Variants in PLD5 observed in about 807,000 individuals in gnomAD.
PLD5 encodes the protein phospholipase D family member 5.
A neutral mutation model predicts 61.1 loss-of-function variants in PLD5; 36 were observed. The ratio of observed to expected loss-of-function variants is 0.59; its 90% CI spans 0.45 to 0.78. The LOEUF is 0.78. Among genes scored for constraint, PLD5 ranks in the 30% least tolerant of loss-of-function variants. PLD5 has a pLI of 0.00. For missense variants in PLD5, 515 were observed against 644.4 expected (o/e 0.80, Z 2.17); for synonymous variants, 243 against 242.8 (o/e 1.00, Z -0.01).
At chr1:242,091,203 GTC>G (rs1659797403) in intron 9 of PLD5, among the ~76,000 whole-genome samples, 1 of 152,148 alleles carries the variant, frequency 6.6e-6, no homozygotes, top group Non-Finnish European at 1.5e-5. Flanking sequence ...TAAAGATCCT[GTC>G]TCTCAATAGA....
At chr1:242,230,419 G>T (rs1298453351) in intron 4 of PLD5, among the ~76,000 whole-genome samples, 1 of 152,114 alleles carries the variant, frequency 6.6e-6, no homozygotes, top group Non-Finnish European at 1.5e-5. Context: ...CCTATTTCCT[G>T]AAAGCAAGGT....
At chr1:242,519,556 G>A (rs1158940842) in intron 1 of PLD5, among the ~76,000 whole-genome samples, 1 of 152,220 alleles carries the variant, frequency 6.6e-6, no homozygotes, top group Non-Finnish European at 1.5e-5. Flanking sequence ...GAGACATCCT[G>A]CCGATAAATG....
chr1:242,246,489 A>ACACACACACACACG (rs1672369157), intron 4 of PLD5, among the ~76,000 whole-genome samples: 2 of 151,308 alleles, frequency 1.3e-5, no homozygotes, highest in Non-Finnish European at 3.0e-5. Context: ...ACACACACAC[A>ACACACACACACACG]CACACACACA....
chr1:242,237,493 AG>A (rs1671713903), intron 4 of PLD5, among the ~76,000 whole-genome samples: 2 of 152,140 alleles, frequency 1.3e-5, no homozygotes, highest in Non-Finnish European at 2.9e-5. Flanking sequence ...CTTTCTTAGT[AG>A]GGGTGCTAGA....
chr1:242,525,815 C>A (rs545645135), upstream of PLD5, among the ~76,000 whole-genome samples: 78 of 152,250 alleles, frequency 5.1e-4, no homozygotes, highest in African/African-American at 1.8e-3. Context: ...TGTTTCATAT[C>A]TTTTCAAAGT....
chr1:242,511,405 G>A (rs987941643), intron 1 of PLD5, among the ~76,000 whole-genome samples: 3 of 152,192 alleles, frequency 2.0e-5, no homozygotes, highest in Admixed American at 6.5e-5. Flanking sequence ...TTAGAGTGTA[G>A]AGAGGGAAAA....
chr1:242,369,151 T>G (rs1232799123), intron 1 of PLD5, among the ~76,000 whole-genome samples: 1 of 152,138 alleles, frequency 6.6e-6, no homozygotes, highest in Non-Finnish European at 1.5e-5. Flanking sequence ...TTCAAAGAAA[T>G]ATAGAAAGGA....
At chr1:242,399,444 C>T (rs563893334) in intron 1 of PLD5, among the ~76,000 whole-genome samples, 1 of 152,276 alleles carries the variant, frequency 6.6e-6, no homozygotes, top group Admixed American at 6.5e-5. Flanking sequence ...AAGCACATGA[C>T]ATAATGAAGA....
chr1:242,432,915 T>C (rs991798197), intron 1 of PLD5, among the ~76,000 whole-genome samples: 4 of 152,154 alleles, frequency 2.6e-5, no homozygotes, highest in Non-Finnish European at 4.4e-5. Flanking sequence ...ATTTTTCGGA[T>C]TTAAAATCAC....
chr1:242,174,533 G>A (rs1014934623), intron 5 of PLD5, among the ~76,000 whole-genome samples: 4 of 152,116 alleles, frequency 2.6e-5, no homozygotes, highest in African/African-American at 9.7e-5. Context: ...ATTTGACCCA[G>A]CCATCCCATT....
chr1:242,428,360 T>C (rs911908690), intron 1 of PLD5, among the ~76,000 whole-genome samples: 7 of 152,212 alleles, frequency 4.6e-5, no homozygotes, highest in African/African-American at 1.4e-4. Flanking sequence ...ATTTATCCTC[T>C]GGCTAGAAAA....
chr1:242,152,051 A>G (rs575203479), intron 5 of PLD5, among the ~76,000 whole-genome samples: 3 of 151,920 alleles, frequency 2.0e-5, no homozygotes, highest in Non-Finnish European at 4.4e-5. Flanking sequence ...ACAAAAATTT[A>G]TTATCATGCA....
chr1:242,352,961 G>C (rs1000642744), intron 1 of PLD5, among the ~76,000 whole-genome samples: 2 of 152,122 alleles, frequency 1.3e-5, no homozygotes, highest in African/African-American at 4.8e-5. Context: ...TATATGGTTT[G>C]CAAGTATTTT....
intron 2 of PLD5, among the ~76,000 whole-genome samples, chr1:242,291,142 C>T (rs561369585): frequency 2.2e-4 from 34 of 152,128 alleles, no homozygotes; most frequent in East Asian, 1.6e-3. Flanking sequence ...ATGCATTGTC[C>T]TAATCCCAAT....
At chr1:242,431,124 G>A (rs1665692064) in intron 1 of PLD5, among the ~76,000 whole-genome samples, 1 of 152,128 alleles carries the variant, frequency 6.6e-6, no homozygotes, top group Admixed American at 6.5e-5. Context: ...ACAATTTAGT[G>A]TCATTAAGAA....
chr1:242,240,498 T>G (rs402159), intron 4 of PLD5, among the ~76,000 whole-genome samples: 4 of 152,086 alleles, frequency 2.6e-5, no homozygotes, highest in Admixed American at 6.5e-5. Context: ...GATGCTTTAT[T>G]AGTAATTTTG....
chr1:242,427,118 G>A (rs917711567), intron 1 of PLD5, among the ~76,000 whole-genome samples: 4 of 152,086 alleles, frequency 2.6e-5, no homozygotes, highest in Non-Finnish European at 5.9e-5. Context: ...AGAAATAAAC[G>A]TCTATTTTAT....
intron 8 of PLD5, among the ~76,000 whole-genome samples, chr1:242,101,457 G>C (rs1040769152): frequency 6.6e-6 from 1 of 152,186 alleles, no homozygotes; most frequent in Non-Finnish European, 1.5e-5. Flanking sequence ...CATGCCTTAG[G>C]GGTCTGTGAA....
At chr1:242,293,718 G>T (rs145721419) in intron 2 of PLD5, among the ~76,000 whole-genome samples, 6 of 152,000 alleles carry the variant, frequency 3.9e-5, no homozygotes, top group East Asian at 1.9e-4. Flanking sequence ...AGCACTCAAG[G>T]TCTGGAGACT....
Sources: gnomAD v4.1 joint callset for allele counts (sites outside exome capture counted in the v4.1 genomes callset) on GRCh38, gnomAD v4.1.1 for gene constraint, MANE v1.5 for transcripts, NCBI Gene and HGNC (gene_info 2026-07-23, HGNC 2026-07-21) for gene names.